Variants in PLXDC2 observed in about 807,000 individuals in gnomAD.
The protein encoded by PLXDC2 is plexin domain containing 2.
Under a neutral mutation model 68.9 loss-of-function variants are expected in PLXDC2, and 40 were observed. That is an observed-to-expected ratio of 0.58 (90% CI 0.45 to 0.76). The LOEUF is 0.76. PLXDC2 is among the 30% of genes least tolerant of loss of function. PLXDC2 has a pLI of 0.00. For synonymous variants in PLXDC2, 243 were observed against 234.2 expected, an observed-to-expected ratio of 1.04 and a Z score of -0.34; for missense variants, 644 against 661.9, an observed-to-expected ratio of 0.97 and a Z score of 0.30.
At chr10:19,962,930 C>T (rs896052862) in intron 1 of PLXDC2, among the ~76,000 whole-genome samples, 6 of 141,276 alleles carry the variant, frequency 4.2e-5, no homozygotes, top group Non-Finnish European at 7.5e-5. Flanking sequence ...GCAGAGCTTG[C>T]AGTGAGCCGA....
Position 19,817,201 on chromosome 10 carries a change from A to T in PLXDC2, c.112+10A>T. The T allele has an allele frequency of 6.4e-7, 1 of 1,555,312 alleles. No homozygotes were observed. The highest frequency in any genetic ancestry group is 8.7e-7 in the Non-Finnish European group (1 of 1,146,720). ...GGAGACCAAATCCTTGGTAAGTAAG[A>T]TGCACTTTAGCTTGCTGATTTTGTG... On this transcript the variant is annotated intron_variant, in intron 1 of 13. Transcript: ENST00000377252.
chr10:19,971,757 T>C (rs2131612127), intron 1 of PLXDC2, among the ~76,000 whole-genome samples: 1 of 152,274 alleles, frequency 6.6e-6, no homozygotes, highest in South Asian at 2.1e-4. Flanking sequence ...ATGTGTCTGA[T>C]CATAACTTGT....
At chr10:20,009,434 G>C (rs768100890) in intron 2 of PLXDC2, among the ~76,000 whole-genome samples, 1 of 151,954 alleles carries the variant, frequency 6.6e-6, no homozygotes, top group African/African-American at 2.4e-5. Flanking sequence ...TTAACATGTG[G>C]CTGCAAAATC....
chr10:20,057,642 A>T (rs897918248), intron 3 of PLXDC2, among the ~76,000 whole-genome samples: 2 of 152,068 alleles, frequency 1.3e-5, no homozygotes, highest in African/African-American at 4.8e-5. Context: ...ACTGGAAGTG[A>T]AACCCTATTA....
chr10:20,197,560 G>A (rs1320639303), intron 9 of PLXDC2, among the ~76,000 whole-genome samples: 1 of 152,122 alleles, frequency 6.6e-6, no homozygotes, highest in Non-Finnish European at 1.5e-5. Flanking sequence ...GTTTCACCAT[G>A]TTGGCCAGGA....
At chr10:20,078,753 G>A (rs1386990008) in intron 4 of PLXDC2, among the ~76,000 whole-genome samples, 1 of 151,944 alleles carries the variant, frequency 6.6e-6, no homozygotes, top group Non-Finnish European at 1.5e-5. Flanking sequence ...TAGAAATCTG[G>A]TTTCTACCCA....
At chr10:19,938,468 A>C (rs1003563750) in intron 1 of PLXDC2, among the ~76,000 whole-genome samples, 1 of 152,114 alleles carries the variant, frequency 6.6e-6, no homozygotes, top group African/African-American at 2.4e-5. Flanking sequence ...GCAAAGTGGG[A>C]GCAGACATCT....
In PLXDC2 at chr10:20,283,383, A is replaced by G. The variant is rs963164823; in HGVS notation, c.*3564A>G. 1 of 152,160 alleles carries G rather than the reference A, an allele frequency of 6.6e-6. No homozygotes were observed. Among genetic ancestry groups the G allele is most frequent in the Non-Finnish European group, 1.5e-5 (1 of 68,024 alleles). 9.4% of individuals were successfully genotyped at this position (152,160 alleles called of 1,614,324 possible). A position where few individuals can be genotyped will look rare whatever the true frequency, so the allele number is the denominator to read the frequency against. On this transcript the variant is annotated 3_prime_UTR_variant, in exon 14 of 14. Transcript: ENST00000377252. ...TGTACAGATGTGCAGACTCTTAAAA[A>G]CCTTATGTTAATGTAACCCATATAA...
At chr10:20,215,195 A>G (rs1243660794) in intron 10 of PLXDC2, among the ~76,000 whole-genome samples, 2 of 152,270 alleles carry the variant, frequency 1.3e-5, no homozygotes, top group African/African-American at 2.4e-5. Flanking sequence ...GGTGTGTCAC[A>G]GAAACCAAGA....
intron 1 of PLXDC2, among the ~76,000 whole-genome samples, chr10:19,866,062 T>G (rs1202201921): frequency 6.6e-6 from 1 of 152,220 alleles, no homozygotes; most frequent in East Asian, 1.9e-4. Context: ...GCAAAAAAAT[T>G]ATCTTGTAGG....
At chr10:20,054,070 G>A (rs111566306) in intron 3 of PLXDC2, among the ~76,000 whole-genome samples, 203 of 152,202 alleles carry the variant, frequency 1.3e-3, no homozygotes, top group African/African-American at 4.4e-3. Context: ...GAACCTTGAT[G>A]CAGAACTGGG....
chr10:20,281,927 T>C lies in PLXDC2; in HGVS notation c.*2108T>C, dbSNP rs530077680. ...TCCAATAGCAACTGTTTGACAGTTA[T>C]ATAAATCTTGCATGTGTATTCTTAG... On this transcript the variant is annotated 3_prime_UTR_variant, in exon 14 of 14. Transcript: ENST00000377252. The C allele has an allele frequency of 1.6e-4, 25 of 152,314 alleles. No individual in the cohort carries two copies. Among genetic ancestry groups the C allele is most frequent in the African/African-American group, 5.3e-4 (22 of 41,576 alleles). 9.4% of individuals were successfully genotyped at this position (152,314 alleles called of 1,614,324 possible). A position where few individuals can be genotyped will look rare whatever the true frequency, so the allele number is the denominator to read the frequency against.
intron 1 of PLXDC2, among the ~76,000 whole-genome samples, chr10:19,822,347 T>C (rs1836485450): frequency 6.6e-6 from 1 of 151,402 alleles, no homozygotes; most frequent in African/African-American, 2.4e-5. Context: ...ATATGCAATG[T>C]ATGTGGAATA....
chr10:20,148,460 A>T (rs1329157260), intron 6 of PLXDC2, among the ~76,000 whole-genome samples: 1 of 152,198 alleles, frequency 6.6e-6, no homozygotes, highest in African/African-American at 2.4e-5. Flanking sequence ...AAAAACAAGG[A>T]AATTTAAACT....
intron 3 of PLXDC2, among the ~76,000 whole-genome samples, chr10:20,049,168 T>A (rs1190677344): frequency 6.6e-6 from 1 of 152,096 alleles, no homozygotes; most frequent in Admixed American, 6.6e-5. Flanking sequence ...ACACCCTTCA[T>A]GTTAAAAACA....
At chr10:19,906,419 C>T (rs59062639) in intron 1 of PLXDC2, among the ~76,000 whole-genome samples, 3,543 of 152,218 alleles carry the variant, frequency 0.023, 129 homozygotes, top group African/African-American at 0.081. Flanking sequence ...ATGGTTTATG[C>T]AGAAATAAAC....
chr10:20,047,981 G>T (rs915782336), intron 3 of PLXDC2, among the ~76,000 whole-genome samples: 5 of 152,082 alleles, frequency 3.3e-5, no homozygotes, highest in African/African-American at 1.2e-4. Flanking sequence ...AGGGTATTTG[G>T]TTTTGCTGGC....
chr10:19,826,313 A>G lies in PLXDC2; in HGVS notation c.112+9122A>G, dbSNP rs377432132. Among the ~76,000 whole-genome samples the G allele has an allele frequency of 1.2e-4, 19 of 152,302 alleles. No homozygotes were observed. The East Asian group carries it at 1.4e-3, about 11-fold the overall frequency. On this transcript the variant is annotated intron_variant, in intron 1 of 13. Transcript: ENST00000377252. ...TTTACTATTTATATAGGTCCTGGGAATATACACCTTTGAATTTTTTGTTGT... is the reference window on the plus strand; with the variant it reads ...TTTACTATTTATATAGGTCCTGGGAGTATACACCTTTGAATTTTTTGTTGT...
intron 12 of PLXDC2, among the ~76,000 whole-genome samples, chr10:20,236,859 C>G (rs1177226918): frequency 6.6e-6 from 1 of 152,146 alleles, no homozygotes; most frequent in Non-Finnish European, 1.5e-5. Flanking sequence ...TTGAATGAGA[C>G]TAGAATCAGC....
Sources: gnomAD v4.1 joint callset for allele counts (sites outside exome capture counted in the v4.1 genomes callset) on GRCh38, gnomAD v4.1.1 for gene constraint, MANE v1.5 for transcripts, NCBI Gene and HGNC (gene_info 2026-07-23, HGNC 2026-07-21) for gene names.